SREBF2: variants seen among roughly 807,000 people sequenced by gnomAD.
The protein encoded by SREBF2 is sterol regulatory element binding transcription factor 2.
In SREBF2, 55 loss-of-function variants were observed where a neutral mutation model predicts 113.1. The ratio of observed to expected loss-of-function variants is 0.49; its 90% CI spans 0.39 to 0.61. SREBF2 has a LOEUF of 0.61. Ranked by LOEUF, SREBF2 falls within the 20% of genes least tolerant of loss-of-function variation. The pLI is 0.00. For missense variants in SREBF2, 1,349 were observed against 1,487.4 expected (o/e 0.91, Z 1.53); for synonymous variants, 593 against 605.7 (o/e 0.98, Z 0.31).
At chr22:41,834,891 T>C (rs2076754839) in intron 1 of SREBF2, among the ~76,000 whole-genome samples, 1 of 152,222 alleles carries the variant, frequency 6.6e-6, no homozygotes, top group Non-Finnish European at 1.5e-5. Flanking sequence ...TAAACAGTTA[T>C]ACACGTTAAT....
rs759918512 is a variant in SREBF2, at chr22:41,885,025, G to T, written c.2208+14G>T. On this transcript the variant is annotated intron_variant, in intron 11 of 18. Transcript: ENST00000361204. The stretch of plus-strand genomic sequence containing the variant: ...GGCTTCCTGGCCGTGAGTACCCTTC[G>T]GTTCCCTTCTGTAAACCTCCCCTGA... 2 of 1,613,692 alleles carry T rather than the reference G, an allele frequency of 1.2e-6. No homozygotes were observed. The highest frequency in any genetic ancestry group is 1.7e-5 in the Admixed American group (1 of 59,992).
rs144214724 is a variant in SREBF2 at position 41,893,995 on chromosome 22, C to T, written c.2377+710C>T. 1.6e-3 allele frequency among the ~76,000 whole-genome samples: 239 copies of T among 152,172 alleles called. 1 individual carries two copies. Among genetic ancestry groups the T allele is most frequent in the African/African-American group, 5.7e-3 (236 of 41,496 alleles). On this transcript the variant is annotated intron_variant, in intron 12 of 18. Coordinates refer to ENST00000361204, the MANE Select transcript of SREBF2 (RefSeq NM_004599.4). The stretch of plus-strand genomic sequence containing the variant: ...GTCACACATTGGGGGAGTTCACTGT[C>T]CTTTTCTTTTTTAAATAATAACTGT...
chr22:41,894,435 C>T (rs1337663282), intron 12 of SREBF2, among the ~76,000 whole-genome samples: 1 of 152,170 alleles, frequency 6.6e-6, no homozygotes, highest in Non-Finnish European at 1.5e-5. Flanking sequence ...CAGCTACCAC[C>T]TTTTTTTCCT....
intron 9 of SREBF2, among the ~76,000 whole-genome samples, chr22:41,878,408 G>A (rs1029374606): frequency 6.6e-6 from 1 of 152,170 alleles, no homozygotes; most frequent in African/African-American, 2.4e-5. Context: ...GAAGGGCAGA[G>A]GTGGCAGAAG....
rs751722300 is a variant in SREBF2 at position 41,833,289 on chromosome 22, C to A, written c.19C>A (p.Leu7Met). 1.5e-6 allele frequency: 2 copies of A among 1,292,320 alleles called. No homozygotes were observed. Among genetic ancestry groups the A allele is most frequent in the South Asian group, 2.5e-5 (2 of 78,820 alleles). 80.1% of individuals were successfully genotyped at this position (1,292,320 alleles called of 1,614,324 possible). A position where few individuals can be genotyped will look rare whatever the true frequency, so the allele number is the denominator to read the frequency against. The change falls in exon 1 of 19, where the codon CTG becomes ATG. Residue 7 changes from leucine (L) to methionine (M), a missense_variant. Around this residue, in one of 2 missense-constraint regions of SREBF2, gnomAD observed 699 missense variants for 843.3 expected, o/e 0.83. Transcript: ENST00000361204. The surrounding 1 kb of genome is among the most constrained non-coding windows in gnomAD (Gnocchi z 4.1). ...CCGGGCGATGGACGACAGCGGCGAGCTGGGTGGTCTGGAGACCATGGAGAC... is the reference window on the plus strand; with the variant it reads ...CCGGGCGATGGACGACAGCGGCGAGATGGGTGGTCTGGAGACCATGGAGAC... MDDSGE[L>M]GGLETMETLT...
intron 1 of SREBF2, among the ~76,000 whole-genome samples, chr22:41,858,426 A>G (rs887548662): frequency 6.6e-6 from 1 of 152,190 alleles, no homozygotes; most frequent in Non-Finnish European, 1.5e-5. Flanking sequence ...CATCATGTGC[A>G]TTTCTAAAAA....
chr22:41,906,105 A>C lies in SREBF2; in HGVS notation c.*445A>C, dbSNP rs187060938. Reference sequence around the variant, plus strand: ...CAGCATGCCCTCCCCTTTTTATACGAATGTTTTCTACCAGTGTGCTTGGGT... The same window carrying C: ...CAGCATGCCCTCCCCTTTTTATACGCATGTTTTCTACCAGTGTGCTTGGGT... On this transcript the variant is annotated 3_prime_UTR_variant, in exon 19 of 19. Coordinates refer to ENST00000361204, the MANE Select transcript of SREBF2 (RefSeq NM_004599.4). The C allele has an allele frequency of 5.0e-5, 21 of 420,398 alleles. No individual in the cohort carries two copies. The East Asian group carries it at 1.4e-3, about 28-fold the overall frequency. The allele number at this position is 420,398 out of a possible 1,614,324, so 26.0% of individuals were successfully genotyped here.
At chr22:41,894,608 T>A (rs2077395150) in intron 12 of SREBF2, among the ~76,000 whole-genome samples, 1 of 152,100 alleles carries the variant, frequency 6.6e-6, no homozygotes, top group South Asian at 2.1e-4. Flanking sequence ...CCACCGGAGC[T>A]CATCCAGAAC....
intron 11 of SREBF2, chr22:41,891,249 G>C (rs1170172852): frequency 6.6e-6 from 1 of 152,222 alleles, no homozygotes. Context: ...CACCATTGCA[G>C]TTATCAGCTC....
chr22:41,855,356 C>G (rs1195119655), intron 1 of SREBF2, among the ~76,000 whole-genome samples: 1 of 151,972 alleles, frequency 6.6e-6, no homozygotes, highest in Non-Finnish European at 1.5e-5. Flanking sequence ...AATTAAACTT[C>G]GTCTACTAAA....
intron 1 of SREBF2, among the ~76,000 whole-genome samples, chr22:41,865,057 G>A (rs1433247563): frequency 6.6e-6 from 1 of 151,900 alleles, no homozygotes; most frequent in Admixed American, 6.6e-5. Flanking sequence ...GGGATTACAG[G>A]CATGAGCCAC....
chr22:41,866,561 AAAAAG>A (rs754166510), intron 1 of SREBF2, among the ~76,000 whole-genome samples: 54 of 152,182 alleles, frequency 3.5e-4, no homozygotes, highest in Non-Finnish European at 7.2e-4. Flanking sequence ...CTCAAAAAGA[AAAAAG>A]AAAGAAAATG....
intron 9 of SREBF2, 150 bp downstream of exon 9, chr22:41,878,273 C>T: frequency 2.0e-6 from 2 of 987,552 alleles, no homozygotes; most frequent in Non-Finnish European, 3.1e-6. Context: ...GGAGTGGGCG[C>T]CTCTGCATAG....
rs1569396024 is a variant in SREBF2, at chr22:41,875,679, C to T, written c.1341C>T (p.Tyr447=). 6.2e-7 allele frequency: 1 copy of T among 1,614,238 alleles called. No individual in the cohort carries two copies. Among genetic ancestry groups the T allele is most frequent in the Non-Finnish European group, 8.5e-7 (1 of 1,180,040 alleles). ...GGTCCCAGGCTGGCTTCTCTCCCTA[C>T]TCCATTGACTCTGAGCCAGGAAGCC... ...DSGSQAGFSP[Y]SIDSEPGSPL... Residue 447 remains tyrosine, a synonymous_variant, in exon 7 of 19, where the codon TAC becomes TAT. Transcript: ENST00000361204.
rs182036910 is a variant in SREBF2 at position 41,878,263 on chromosome 22, G to A, written c.1761+140G>A. On this transcript the variant is annotated intron_variant, in intron 9 of 18. Transcript: ENST00000361204. ...TGCTGCTGAATAGTCACAGGGCAGT[G>A]GAGTGGGCGCCTCTGCATAGATAAT... 6.2e-3 allele frequency: 6,765 copies of A among 1,091,364 alleles called. 23 individuals are homozygous for A. The highest frequency in any genetic ancestry group is 7.8e-3 in the Non-Finnish European group (5,816 of 741,438). 67.6% of individuals were successfully genotyped at this position (1,091,364 alleles called of 1,614,324 possible).
intron 16 of SREBF2, among the ~76,000 whole-genome samples, chr22:41,901,917 C>T (rs1008255402): frequency 1.3e-5 from 2 of 152,222 alleles, no homozygotes; most frequent in African/African-American, 4.8e-5. Flanking sequence ...TGATGGCCCT[C>T]GGAGGGCAGA....
chr22:41,864,374 G>A (rs1365658876), intron 1 of SREBF2, among the ~76,000 whole-genome samples: 1 of 138,484 alleles, frequency 7.2e-6, no homozygotes, highest in African/African-American at 2.7e-5. Context: ...AGGCTGGAGT[G>A]CAGTGGCACG....
At chr22:41,836,775 G>A (rs2076779663) in intron 1 of SREBF2, among the ~76,000 whole-genome samples, 1 of 152,162 alleles carries the variant, frequency 6.6e-6, no homozygotes, top group African/African-American at 2.4e-5. Context: ...GAGCCGGTCA[G>A]GTGAGGAAGG....
intron 1 of SREBF2, among the ~76,000 whole-genome samples, chr22:41,842,571 G>A (rs534666199): frequency 3.3e-5 from 5 of 152,328 alleles, no homozygotes; most frequent in Non-Finnish European, 5.9e-5. Context: ...GAATAGCTTT[G>A]TAAATTCTTC....
Sources: allele counts gnomAD v4.1 joint callset (sites outside exome capture counted in the v4.1 genomes callset), GRCh38; gene constraint gnomAD v4.1.1; regional missense constraint gnomAD v4.1.1; non-coding constraint Gnocchi (gnomAD v3.1); transcripts MANE v1.5; gene names NCBI Gene and HGNC (gene_info 2026-07-23, HGNC 2026-07-21).